ZNF622: variants seen among roughly 807,000 people sequenced by gnomAD.
The protein encoded by ZNF622 is zinc finger protein 622, also known as cytoplasmic 60S subunit biogenesis factor ZNF622.
ZNF622 carries 34 observed loss-of-function variants against 49.7 expected under a neutral mutation model. The ratio of observed to expected loss-of-function variants is 0.68; its 90% CI spans 0.52 to 0.91. The LOEUF (loss-of-function observed/expected upper bound fraction) is 0.91, where lower values mean the gene tolerates loss of function less well. Ranked by LOEUF, ZNF622 falls within the 40% of genes least tolerant of loss-of-function variation. The probability of loss-of-function intolerance (pLI) is 0.00; values close to 1 mark genes in which losing one functional copy is unlikely to be tolerated. For synonymous variants in ZNF622, 209 were observed against 228.7 expected (o/e 0.91, Z 0.78); for missense variants, 569 against 616.4 (o/e 0.92, Z 0.81).
chr5:16,459,040 TC>T, intron 3 of ZNF622, among the ~76,000 whole-genome samples: 1 of 152,350 alleles, frequency 6.6e-6, no homozygotes, highest in South Asian at 2.1e-4. Context: ...ACATGAGCTT[TC>T]CAGCACAGAA....
At chr5:16,457,219 G>A (rs1738041163) in intron 4 of ZNF622, among the ~76,000 whole-genome samples, 1 of 152,188 alleles carries the variant, frequency 6.6e-6, no homozygotes, top group African/African-American at 2.4e-5. Flanking sequence ...ACACTATAGT[G>A]ATCCTACTAC....
At chr5:16,461,860 A>G (rs1290177380) in intron 3 of ZNF622, among the ~76,000 whole-genome samples, 1 of 152,216 alleles carries the variant, frequency 6.6e-6, no homozygotes, top group South Asian at 2.1e-4. Context: ...ATTGAAATCT[A>G]TGAGACTGGG....
At position 16,463,602 on chromosome 5, in the gene ZNF622, A is replaced by C; in HGVS notation, c.766T>G (p.Phe256Val). The C allele has an allele frequency of 3.1e-6, 5 of 1,614,208 alleles. No homozygotes were observed. The highest frequency in any genetic ancestry group is 4.2e-6 in the Non-Finnish European group (5 of 1,180,030). Reference sequence around the variant, plus strand: ...AGCGAGCTGGAATGATGGGAACAAAATAAGCAGTCCGTGATAGGGATGGCA... The same window carrying C: ...AGCGAGCTGGAATGATGGGAACAAACTAAGCAGTCCGTGATAGGGATGGCA... ...LGAIPITDCL[F>V]CSHHSSSLMK... The change falls in exon 2 of 6, where the codon TTT becomes GTT. Residue 256 changes from phenylalanine to valine, a missense_variant. Physicochemically the swap from Phe to Val is conservative, Grantham distance 50. Coordinates refer to ENST00000308683, the MANE Select transcript of ZNF622 (RefSeq NM_033414.3). This position sits in a 1 kb window ranked among gnomAD's most constrained non-coding sequence, Gnocchi z 4.2.
In ZNF622 at chr5:16,465,130, C is replaced by T. The variant is rs751002953; in HGVS notation, c.536G>A (p.Arg179Gln). 2 of 1,614,052 alleles carry T rather than the reference C, an allele frequency of 1.2e-6. No homozygotes were observed. The highest frequency in any genetic ancestry group is 1.1e-5 in the South Asian group (1 of 91,084). The change falls in exon 1 of 6, where the codon CGG becomes CAG. Residue 179 changes from arginine (R) to glutamine (Q), a missense_variant. By Grantham distance (43) the Arg-to-Gln change is conservative. Transcript: ENST00000308683. The surrounding 1 kb of genome is among the most constrained non-coding windows in gnomAD (Gnocchi z 6.2). ...CGCCTGCTGTTCAAACCACTGGAGCCGGGGTGGTTTCTCACTCGGGTCTCG... is the reference window on the plus strand; with the variant it reads ...CGCCTGCTGTTCAAACCACTGGAGCTGGGGTGGTTTCTCACTCGGGTCTCG... ...HDRDPSEKPP[R>Q]LQWFEQQAKK...
At chr5:16,459,016 C>T (rs1400715216) in intron 3 of ZNF622, among the ~76,000 whole-genome samples, 1 of 152,202 alleles carries the variant, frequency 6.6e-6, no homozygotes, top group Non-Finnish European at 1.5e-5. Context: ...GTGTCTGATA[C>T]AGTAACTGCA....
rs756935690 is a variant in ZNF622, at chr5:16,465,181, C to T, written c.485G>A (p.Gly162Asp). The T allele has an allele frequency of 6.2e-7, 1 of 1,614,180 alleles. No homozygotes were observed. The highest frequency in any genetic ancestry group is 8.5e-7 in the Non-Finnish European group (1 of 1,179,992). The change falls in exon 1 of 6, where the codon GGT becomes GAT. Residue 162 changes from glycine (G) to aspartate (D), a missense_variant. Physicochemically the swap from Gly to Asp is moderately conservative, Grantham distance 94 (BLOSUM62 -1). Coordinates refer to ENST00000308683, the MANE Select transcript of ZNF622 (RefSeq NM_033414.3). The surrounding 1 kb of genome is among the most constrained non-coding windows in gnomAD (Gnocchi z 6.2). ...AKEARNVVAV[G>D]TGGRGTHDRD... ...GTCGTGGGTCCCACGGCCACCAGTA[C>T]CCACGGCCACGACATTCCTGGCCTC...
chr5:16,457,175 T>C (rs1193164143), intron 4 of ZNF622, among the ~76,000 whole-genome samples: 2 of 152,218 alleles, frequency 1.3e-5, no homozygotes, highest in African/African-American at 2.4e-5. Flanking sequence ...AGGTTTGTAA[T>C]ATATTGTGCT....
Position 16,465,150 on chromosome 5 carries a change from G to A in ZNF622, c.516C>T (p.Asp172=). The A allele has an allele frequency of 3.7e-6, 6 of 1,614,174 alleles. No individual in the cohort carries two copies. The highest frequency in any genetic ancestry group is 5.1e-6 in the Non-Finnish European group (6 of 1,180,024). The change falls in exon 1 of 6, where the codon GAC becomes GAT. Residue 172 remains aspartate, a synonymous_variant. Coordinates refer to ENST00000308683, the MANE Select transcript of ZNF622 (RefSeq NM_033414.3). The surrounding 1 kb of genome is among the most constrained non-coding windows in gnomAD (Gnocchi z 6.2). ...GGAGCCGGGGTGGTTTCTCACTCGG[G>A]TCTCGGTCGTGGGTCCCACGGCCAC... The part of the protein sequence containing the change: ...GTGGRGTHDR[D]PSEKPPRLQW...
intron 3 of ZNF622, among the ~76,000 whole-genome samples, chr5:16,460,322 A>C (rs114199167): frequency 0.016 from 2,479 of 152,318 alleles, 64 homozygotes; most frequent in African/African-American, 0.055. Flanking sequence ...GGCCAGCTGT[A>C]TACATATATG....
In ZNF622 at chr5:16,458,547, C is replaced by A; in HGVS notation, c.1132G>T (p.Asp378Tyr). 1 of 1,613,708 alleles carries A rather than the reference C, an allele frequency of 6.2e-7. No individual in the cohort carries two copies. The highest frequency in any genetic ancestry group is 8.5e-7 in the Non-Finnish European group (1 of 1,179,746). The change falls in exon 4 of 6, where the codon GAT becomes TAT. Residue 378 changes from aspartate (D) to tyrosine (Y), a missense_variant. Coordinates refer to ENST00000308683, the MANE Select transcript of ZNF622 (RefSeq NM_033414.3). ...LPSEKNLEYDDETMELILPSG... is the reference protein window; with the variant it reads ...LPSEKNLEYDYETMELILPSG... ...GGCAGAATCAATTCCATGGTTTCATCATCATATTCCAAGTTCTTTTCTGAG... is the reference window on the plus strand; with the variant it reads ...GGCAGAATCAATTCCATGGTTTCATAATCATATTCCAAGTTCTTTTCTGAG...
intron 3 of ZNF622, among the ~76,000 whole-genome samples, chr5:16,460,841 G>A (rs1265927516): frequency 1.3e-5 from 2 of 152,186 alleles, no homozygotes; most frequent in Non-Finnish European, 2.9e-5. Flanking sequence ...GACTAAGGGA[G>A]AACCGTTTCC....
At chr5:16,452,766 T>A (rs1279244430) in intron 5 of ZNF622, among the ~76,000 whole-genome samples, 1 of 152,254 alleles carries the variant, frequency 6.6e-6, no homozygotes, top group East Asian at 1.9e-4. Flanking sequence ...TTTTTGTAAC[T>A]ATTATCTTCT....
Position 16,463,782 on chromosome 5 carries a change from T to C in ZNF622, c.626-40A>G, listed in dbSNP as rs762615820. The C allele has an allele frequency of 1.3e-6, 2 of 1,595,398 alleles. No homozygotes were observed. ...TTTGAAATATAAAGTTTAAGAAAAG[T>C]AGTAGCAAGCAAAGATATCACAAAA... On this transcript the variant is annotated intron_variant, in intron 1 of 5. Coordinates refer to ENST00000308683, the MANE Select transcript of ZNF622 (RefSeq NM_033414.3). The surrounding 1 kb of genome is among the most constrained non-coding windows in gnomAD (Gnocchi z 4.2).
At position 16,453,016 on chromosome 5, in the gene ZNF622, T is replaced by C. The variant is rs781236706; in HGVS notation, c.1303A>G (p.Thr435Ala). 6.8e-7 allele frequency: 1 copy of C among 1,466,356 alleles called. No homozygotes were observed. Among genetic ancestry groups the C allele is most frequent in the South Asian group, 1.4e-5 (1 of 69,298 alleles). The allele number at this position is 1,466,356 out of a possible 1,614,324, so 90.8% of individuals were successfully genotyped here. Reference protein sequence around the residue: ...QYRALGWTGSTGAALMRERDM... With the variant: ...QYRALGWTGSAGAALMRERDM... ...GTAGTTGTAAAGATCAATGTACCTG[T>C]GCTGCCAGTCCATCCCAGGGCTCTG... The change falls in exon 5 of 6, where the codon ACA becomes GCA. Residue 435 changes from threonine (T) to alanine (A), a missense_variant. Coordinates refer to ENST00000308683, the MANE Select transcript of ZNF622 (RefSeq NM_033414.3).
intron 3 of ZNF622, among the ~76,000 whole-genome samples, chr5:16,460,215 T>C (rs963712493): frequency 6.6e-6 from 1 of 152,206 alleles, no homozygotes; most frequent in Non-Finnish European, 1.5e-5. Flanking sequence ...TAGGGAATAA[T>C]GACAAGAAAA....
At chr5:16,459,742 C>T (rs1738093961) in intron 3 of ZNF622, among the ~76,000 whole-genome samples, 1 of 152,138 alleles carries the variant, frequency 6.6e-6, no homozygotes, top group Admixed American at 6.5e-5. Flanking sequence ...ATGGGTCTCC[C>T]AAACATAAAG....
At chr5:16,458,232 A>G (rs1286767345) in intron 4 of ZNF622, among the ~76,000 whole-genome samples, 3 of 151,438 alleles carry the variant, frequency 2.0e-5, no homozygotes, top group African/African-American at 7.3e-5. Flanking sequence ...TAAATAAAGA[A>G]CAGAATAGAA....
chr5:16,454,123 T>A (rs1737982431), intron 4 of ZNF622, among the ~76,000 whole-genome samples: 1 of 152,132 alleles, frequency 6.6e-6, no homozygotes, highest in Admixed American at 6.5e-5. Context: ...TATCTCATTA[T>A]CTCATAGGCC....
intron 4 of ZNF622, among the ~76,000 whole-genome samples, chr5:16,457,926 C>T (rs1738056065): frequency 6.6e-6 from 1 of 152,308 alleles, no homozygotes; most frequent in Middle Eastern, 3.4e-3. Flanking sequence ...ATCATCTCTA[C>T]CTTTCCATCC....
Sources: allele counts gnomAD v4.1 joint callset (sites outside exome capture counted in the v4.1 genomes callset), GRCh38; gene constraint gnomAD v4.1.1; non-coding constraint Gnocchi (gnomAD v3.1); transcripts MANE v1.5; gene names NCBI Gene and HGNC (gene_info 2026-07-23, HGNC 2026-07-21).